Variants in EYS observed in about 807,000 individuals in gnomAD.
EYS encodes the protein EGF-like photoreceptor maintenance factor.
A neutral mutation model predicts 282.1 loss-of-function variants in EYS; 250 were observed. The observed-to-expected ratio is 0.89, with a 90% CI of 0.80 to 0.98. EYS has a LOEUF of 0.98. Ranked by LOEUF, EYS falls within the 50% of genes least tolerant of loss-of-function variation. The pLI, the probability that EYS is intolerant of heterozygous loss-of-function variation, is 0.00. For synonymous variants in EYS, 1,355 were observed against 1,282.9 expected (o/e 1.06, Z -1.20); for missense variants, 4,016 against 3,709.0 (o/e 1.08, Z -2.15).
intron 19 of EYS, among the ~76,000 whole-genome samples, chr6:64,873,283 A>T (rs1244415454): frequency 6.6e-6 from 1 of 152,052 alleles, no homozygotes; most frequent in African/African-American, 2.4e-5. Flanking sequence ...CTATCATGAG[A>T]ACTGCACGGG....
At position 65,223,053 on chromosome 6, in the gene EYS, C is replaced by A. The variant is rs1233902419; in HGVS notation, c.2023+72810G>T. ...AGAATTCCAAAATTCAGTCCCTCTACAAAAGCAATGATAAATTTAACAAAA... is the reference window on the plus strand; with the variant it reads ...AGAATTCCAAAATTCAGTCCCTCTAAAAAAGCAATGATAAATTTAACAAAA... On this transcript the variant is annotated intron_variant, in intron 12 of 42. Coordinates refer to ENST00000503581, the MANE Select transcript of EYS (RefSeq NM_001142800.2). 2.6e-5 allele frequency among the ~76,000 whole-genome samples: 4 copies of A among 152,062 alleles called. No homozygotes were observed. The East Asian group carries it at 5.8e-4, about 22-fold the overall frequency.
chr6:63,774,728 T>C (rs554004958), intron 40 of EYS, among the ~76,000 whole-genome samples: 3 of 152,214 alleles, frequency 2.0e-5, no homozygotes, highest in Non-Finnish European at 4.4e-5. Context: ...TTTTTATTTG[T>C]CAATTAAGAA....
At chr6:65,631,379 T>A (rs1326440624) in intron 2 of EYS, among the ~76,000 whole-genome samples, 1 of 152,128 alleles carries the variant, frequency 6.6e-6, no homozygotes, top group African/African-American at 2.4e-5. Flanking sequence ...AGTGTGTTAT[T>A]TCCTCCAGCT....
chr6:64,585,042 A>G (rs540281893), intron 26 of EYS, among the ~76,000 whole-genome samples: 1 of 152,242 alleles, frequency 6.6e-6, no homozygotes, highest in Non-Finnish European at 1.5e-5. Flanking sequence ...TTACTGCACT[A>G]TTCATAACAG....
chr6:65,326,933 G>T (rs1769638633), intron 11 of EYS, among the ~76,000 whole-genome samples: 1 of 151,414 alleles, frequency 6.6e-6, no homozygotes, highest in Non-Finnish European at 1.5e-5. Flanking sequence ...TTTCTAATAA[G>T]TTTTTTAAAT....
chr6:65,405,708 A>T (rs1425009189), intron 5 of EYS, among the ~76,000 whole-genome samples: 2 of 152,008 alleles, frequency 1.3e-5, no homozygotes, highest in African/African-American at 4.8e-5. Context: ...GTCTTTTGCG[A>T]CTGGCTTCTT....
chr6:64,802,023 C>CTTTTTTTTTTTTTTTT (rs1199002175), intron 22 of EYS, among the ~76,000 whole-genome samples: 13 of 70,798 alleles, frequency 1.8e-4, no homozygotes, highest in Non-Finnish European at 3.2e-4. Flanking sequence ...ATTTCTTTTT[C>CTTTTTTTTTTTTTTTT]TTTTTTTTTC....
At chr6:64,172,639 C>T (rs1301847198) in intron 31 of EYS, among the ~76,000 whole-genome samples, 1 of 152,176 alleles carries the variant, frequency 6.6e-6, no homozygotes, top group African/African-American at 2.4e-5. Context: ...CTGCTTACCT[C>T]CTACTGTGTG....
intron 35 of EYS, among the ~76,000 whole-genome samples, chr6:63,952,380 G>A (rs1765633811): frequency 6.6e-6 from 1 of 152,222 alleles, no homozygotes; most frequent in Non-Finnish European, 1.5e-5. Flanking sequence ...TGCCTCAGAA[G>A]CCTCCTGGAC....
intron 2 of EYS, among the ~76,000 whole-genome samples, chr6:65,540,637 G>A (rs1019202037): frequency 1.3e-5 from 2 of 152,308 alleles, no homozygotes; most frequent in South Asian, 2.1e-4. Flanking sequence ...AGAGAAAGGT[G>A]GCCGGGTGCG....
intron 35 of EYS, among the ~76,000 whole-genome samples, chr6:63,928,842 G>C (rs1172665439): frequency 1.3e-5 from 2 of 152,252 alleles, no homozygotes. Flanking sequence ...AACCCACCTA[G>C]GGGGCCTGCA....
intron 14 of EYS, 83 bp downstream of exon 14, chr6:64,997,499 G>A: frequency 1.5e-6 from 2 of 1,328,284 alleles, no homozygotes; most frequent in Non-Finnish European, 2.1e-6. Flanking sequence ...CTAACACACA[G>A]GCAAAAACTC....
chr6:65,339,045 T>C (rs1304778871), intron 10 of EYS, among the ~76,000 whole-genome samples: 1 of 151,194 alleles, frequency 6.6e-6, no homozygotes, highest in Admixed American at 6.6e-5. Flanking sequence ...GGGAAAAAAT[T>C]CTGTAAGATC....
At chr6:63,726,758 C>T in intron 41 of EYS, 78 bp from the exon 42 acceptor site, 6 of 1,274,672 alleles carry the variant, frequency 4.7e-6, no homozygotes, top group Admixed American at 5.0e-5. Flanking sequence ...CAATAAACTG[C>T]TTATGTAATT....
At chr6:64,164,560 G>C (rs1775208478) in intron 31 of EYS, among the ~76,000 whole-genome samples, 1 of 151,980 alleles carries the variant, frequency 6.6e-6, no homozygotes, top group Non-Finnish European at 1.5e-5. Flanking sequence ...TAGTTAAATA[G>C]CCACCATGTT....
chr6:65,109,742 A>G (rs1473155509), intron 12 of EYS, among the ~76,000 whole-genome samples: 1 of 152,074 alleles, frequency 6.6e-6, no homozygotes, highest in Non-Finnish European at 1.5e-5. Context: ...CGTAGTCCAA[A>G]GCCCACAGTG....
At chr6:65,175,752 T>G (rs1208048062) in intron 12 of EYS, among the ~76,000 whole-genome samples, 1 of 151,378 alleles carries the variant, frequency 6.6e-6, no homozygotes, top group Admixed American at 6.6e-5. Context: ...TGACACTGAG[T>G]CAAAAGTTTT....
chr6:65,479,837 T>C (rs937866645), intron 5 of EYS, among the ~76,000 whole-genome samples: 14 of 152,052 alleles, frequency 9.2e-5, no homozygotes, highest in Non-Finnish European at 1.9e-4. Context: ...TTGAAAACTT[T>C]TGCTCATCAA....
chr6:65,436,824 G>T (rs1351052862), intron 5 of EYS, among the ~76,000 whole-genome samples: 1 of 152,016 alleles, frequency 6.6e-6, no homozygotes, highest in Non-Finnish European at 1.5e-5. Flanking sequence ...TATAAAGAAT[G>T]GTTGAAATTT....
Sources: gnomAD v4.1 joint callset for allele counts (sites outside exome capture counted in the v4.1 genomes callset) on GRCh38, gnomAD v4.1.1 for gene constraint, MANE v1.5 for transcripts, NCBI Gene and HGNC (gene_info 2026-07-23, HGNC 2026-07-21) for gene names.